Variants in ZBTB8A observed in about 807,000 individuals in gnomAD.
ZBTB8A encodes the protein zinc finger and BTB domain-containing protein 8A.
ZBTB8A carries 19 observed loss-of-function variants against 37.8 expected under a neutral mutation model. The ratio of observed to expected loss-of-function variants is 0.50; its 90% CI spans 0.35 to 0.74. The LOEUF (loss-of-function observed/expected upper bound fraction) is 0.74. ZBTB8A is among the 30% of genes least tolerant of loss of function. The probability of loss-of-function intolerance (pLI) is 0.01; values close to 1 mark genes in which losing one functional copy is unlikely to be tolerated. For missense variants in ZBTB8A, 394 were observed against 537.8 expected, an observed-to-expected ratio of 0.73 and a Z score of 2.65; for synonymous variants, 181 against 185.2, an observed-to-expected ratio of 0.98 and a Z score of 0.19.
At chr1:32,555,605 G>A (rs757395193) in intron 2 of ZBTB8A, among the ~76,000 whole-genome samples, 5 of 151,948 alleles carry the variant, frequency 3.3e-5, no homozygotes, top group Non-Finnish European at 5.9e-5. Context: ...CCATCCTGCC[G>A]CACAATCATG....
chr1:32,580,498 C>G (rs1291155229), intron 2 of ZBTB8A, among the ~76,000 whole-genome samples: 1 of 151,408 alleles, frequency 6.6e-6, no homozygotes, highest in East Asian at 1.9e-4. Flanking sequence ...TTGCAGTGAA[C>G]CAAGATCGCA....
chr1:32,570,900 G>A (rs892379402), intron 2 of ZBTB8A, among the ~76,000 whole-genome samples: 2 of 148,860 alleles, frequency 1.3e-5, no homozygotes, highest in African/African-American at 5.0e-5. Context: ...TTTTAAGACT[G>A]AGTCTCGCTC....
intron 2 of ZBTB8A, among the ~76,000 whole-genome samples, chr1:32,578,074 TTTTG>T (rs1557711332): frequency 6.6e-6 from 1 of 151,548 alleles, no homozygotes; most frequent in African/African-American, 2.4e-5. Context: ...CAGCTAATTT[TTTTG>T]TTTGTTTGTT....
rs1217829525 is a variant in ZBTB8A at position 32,602,354 on chromosome 1, C to T, written c.*1935C>T. 1 of 151,304 alleles carries T rather than the reference C, an allele frequency of 6.6e-6. No individual in the cohort carries two copies. The highest frequency in any genetic ancestry group is 2.4e-5 in the African/African-American group (1 of 41,174). 9.4% of individuals were successfully genotyped at this position (151,304 alleles called of 1,614,324 possible). A position where few individuals can be genotyped will look rare whatever the true frequency, so the allele number is the denominator to read the frequency against. ...AAAAAAAAAAAAAAAAAAAACTTCT[C>T]CCCTGCATAAATTATGAAACATTCC... On this transcript the variant is annotated 3_prime_UTR_variant, in exon 5 of 5. Transcript: ENST00000373510.
At position 32,550,785 on chromosome 1, in the gene ZBTB8A, C is replaced by T. The variant is rs536293175; in HGVS notation, c.-83-2674C>T. Among the ~76,000 whole-genome samples, 177 of 152,016 alleles carry T rather than the reference C, an allele frequency of 1.2e-3. 1 individual carries two copies. The highest frequency in any genetic ancestry group is 7.2e-4 in the Admixed American group (11 of 15,240). ...CAGCTTGGCCAATATGGTGAAACCC[C>T]GCCTCTACTAAAAATACAAAAATTA... is the stretch of plus-strand genomic sequence containing the variant. On this transcript the variant is annotated intron_variant, in intron 1 of 4. Transcript: ENST00000373510.
intron 3 of ZBTB8A, among the ~76,000 whole-genome samples, chr1:32,594,544 T>TTTGG (rs1644515034): frequency 2.0e-5 from 3 of 151,964 alleles, no homozygotes; most frequent in Admixed American, 2.0e-4. Context: ...GGGCAGATCA[T>TTTGG]GAGGTCAGGA....
At chr1:32,554,761 G>A (rs146465892) in intron 2 of ZBTB8A, among the ~76,000 whole-genome samples, 92 of 152,214 alleles carry the variant, frequency 6.0e-4, no homozygotes, top group African/African-American at 2.1e-3. Flanking sequence ...TTACAGGCCT[G>A]AGCCACCGCA....
chr1:32,588,696 G>T (rs1644466364), intron 2 of ZBTB8A, among the ~76,000 whole-genome samples: 1 of 151,914 alleles, frequency 6.6e-6, no homozygotes. Context: ...CCATAAAAAT[G>T]GTTTTGGCCA....
At position 32,579,430 on chromosome 1, in the gene ZBTB8A, A is replaced by G. The variant is rs142730006; in HGVS notation, c.-1-13501A>G. 8.6e-5 allele frequency among the ~76,000 whole-genome samples: 13 copies of G among 151,470 alleles called. No homozygotes were observed. In the East Asian group the frequency reaches 2.3e-3, roughly 27 times the overall value. The stretch of plus-strand genomic sequence containing the variant: ...CACACCATTGCACTCCAGCCTGGGC[A>G]ACAGAGCAAGATTCCATCTCAAAAA... On this transcript the variant is annotated intron_variant, in intron 2 of 4. Transcript: ENST00000373510.
At position 32,600,201 on chromosome 1, in the gene ZBTB8A, G is replaced by A; in HGVS notation, c.1108G>A (p.Ala370Thr). 6.2e-7 allele frequency: 1 copy of A among 1,614,196 alleles called. No individual in the cohort carries two copies. The highest frequency in any genetic ancestry group is 8.5e-7 in the Non-Finnish European group (1 of 1,180,024). ...RRYRLCNECLAEFGIDSLPID... is the reference protein window; with the variant it reads ...RRYRLCNECLTEFGIDSLPID... ...CTACAGACTGTGTAATGAGTGTCTT[G>A]CAGAATTTGGCATAGACAGCCTCCC... The change falls in exon 5 of 5, where the codon GCA becomes ACA. Residue 370 changes from alanine to threonine, a missense_variant. By Grantham distance (58) the Ala-to-Thr change is moderately conservative (BLOSUM62 0). Coordinates refer to ENST00000373510, the MANE Select transcript of ZBTB8A (RefSeq NM_001040441.3).
Position 32,600,637 on chromosome 1 carries a change from G to C in ZBTB8A, c.*218G>C, listed in dbSNP as rs956567369. 8 of 495,342 alleles carry C rather than the reference G, an allele frequency of 1.6e-5. No homozygotes were observed. The Admixed American group carries it at 2.9e-4, about 18-fold the overall frequency. 30.7% of individuals were successfully genotyped at this position (495,342 alleles called of 1,614,324 possible). A position where few individuals can be genotyped will look rare whatever the true frequency, so the allele number is the denominator to read the frequency against. On this transcript the variant is annotated 3_prime_UTR_variant, in exon 5 of 5. Coordinates refer to ENST00000373510, the MANE Select transcript of ZBTB8A (RefSeq NM_001040441.3). ...TGCACTGGAAAGAAAGAACTAGCTT[G>C]AGTTGGCTTGATGGATGAACAATTA... is the stretch of plus-strand genomic sequence containing the variant.
chr1:32,565,736 C>A (rs1244934843), intron 2 of ZBTB8A, among the ~76,000 whole-genome samples: 1 of 152,090 alleles, frequency 6.6e-6, no homozygotes, highest in Non-Finnish European at 1.5e-5. Context: ...TATTTTGGTC[C>A]ATTTCCTTTT....
At chr1:32,570,243 G>A (rs560543869) in intron 2 of ZBTB8A, among the ~76,000 whole-genome samples, 1 of 152,144 alleles carries the variant, frequency 6.6e-6, no homozygotes, top group Non-Finnish European at 1.5e-5. Context: ...ATATATTCAT[G>A]TGTCTATTTC....
chr1:32,572,007 G>T (rs752019843), intron 2 of ZBTB8A, among the ~76,000 whole-genome samples: 2 of 151,482 alleles, frequency 1.3e-5, no homozygotes, highest in Admixed American at 6.6e-5. Flanking sequence ...AGGTTCAAGT[G>T]ATTCTCCTGT....
intron 2 of ZBTB8A, among the ~76,000 whole-genome samples, chr1:32,567,014 G>GT (rs1644285052): frequency 6.6e-6 from 1 of 152,148 alleles, no homozygotes; most frequent in African/African-American, 2.4e-5. Context: ...GAAAGGGATT[G>GT]TATTAGTCCA....
intron 2 of ZBTB8A, among the ~76,000 whole-genome samples, chr1:32,554,622 G>C (rs1644185880): frequency 6.6e-6 from 1 of 151,808 alleles, no homozygotes; most frequent in African/African-American, 2.4e-5. Context: ...GGGATTACAG[G>C]CACCTGCCAC....
At position 32,595,096 on chromosome 1, in the gene ZBTB8A, A is replaced by G; in HGVS notation, c.866A>G (p.His289Arg). The G allele has an allele frequency of 6.2e-7, 1 of 1,614,148 alleles. No individual in the cohort carries two copies. Among genetic ancestry groups the G allele is most frequent in the Non-Finnish European group, 8.5e-7 (1 of 1,179,988 alleles). ...CGATTCAAGTGCCCGTACTGCACACATGTGGTGAAGCGGAAGGCAGACCTA... is the reference window on the plus strand; with the variant it reads ...CGATTCAAGTGCCCGTACTGCACACGTGTGGTGAAGCGGAAGGCAGACCTA... ...RMRFKCPYCT[H>R]VVKRKADLKR... The change falls in exon 4 of 5, where the codon CAT becomes CGT. Residue 289 changes from histidine (H) to arginine (R), a missense_variant. Physicochemically the swap from His to Arg is conservative, Grantham distance 29. Coordinates refer to ENST00000373510, the MANE Select transcript of ZBTB8A (RefSeq NM_001040441.3).
chr1:32,581,707 A>T (rs1027513657), intron 2 of ZBTB8A, among the ~76,000 whole-genome samples: 22 of 152,120 alleles, frequency 1.4e-4, no homozygotes, highest in African/African-American at 4.8e-4. Context: ...GATACGAAGA[A>T]ATACCTGAGA....
intron 2 of ZBTB8A, among the ~76,000 whole-genome samples, chr1:32,576,314 T>C (rs1178369730): frequency 3.3e-5 from 5 of 152,224 alleles, no homozygotes; most frequent in Non-Finnish European, 5.9e-5. Flanking sequence ...AACCTTACAG[T>C]ATATTTCTGT....
Sources: allele counts gnomAD v4.1 joint callset (sites outside exome capture counted in the v4.1 genomes callset), GRCh38; gene constraint gnomAD v4.1.1; transcripts MANE v1.5; gene names NCBI Gene and HGNC (gene_info 2026-07-23, HGNC 2026-07-21).